TBC1D31: variants seen among roughly 807,000 people sequenced by gnomAD.
TBC1D31 encodes the protein WD repeat domain 67.
TBC1D31 carries 99 observed loss-of-function variants against 132.9 expected under a neutral mutation model. That is an observed-to-expected ratio of 0.74 (90% CI 0.63 to 0.88). The LOEUF is 0.88. TBC1D31 is among the 40% of genes least tolerant of loss of function. The pLI is 0.00. For missense variants in TBC1D31, 1,134 were observed against 1,256.6 expected (o/e 0.90, Z 1.48); for synonymous variants, 385 against 419.4 (o/e 0.92, Z 1.00).
intron 21 of TBC1D31, among the ~76,000 whole-genome samples, chr8:123,151,348 A>T (rs1404932040): frequency 6.6e-6 from 1 of 152,198 alleles, no homozygotes; most frequent in African/African-American, 2.4e-5. Context: ...TAGTATTTTA[A>T]TCTTGATTCT....
chr8:123,073,804 GCCT>G (rs892582969), intron 1 of TBC1D31, among the ~76,000 whole-genome samples: 11 of 151,830 alleles, frequency 7.2e-5, no homozygotes, highest in Non-Finnish European at 1.3e-4. Flanking sequence ...TCTTGCCTCA[GCCT>G]CCTAAGTAGC....
intron 11 of TBC1D31, 138 bp downstream of exon 11, chr8:123,120,326 C>A: frequency 1.4e-6 from 1 of 698,826 alleles, no homozygotes; most frequent in Non-Finnish European, 2.2e-6. Flanking sequence ...AATAAGGTAT[C>A]AAACATAAAA....
chr8:123,119,919 A>G (rs1299535796), intron 10 of TBC1D31, 136 bp from the exon 11 acceptor site: 2 of 636,812 alleles, frequency 3.1e-6, no homozygotes, highest in Admixed American at 3.5e-5. Flanking sequence ...AACAATGGTT[A>G]CTTCTGGAGA....
chr8:123,135,384 C>T (rs1200222869), intron 17 of TBC1D31, among the ~76,000 whole-genome samples: 1 of 152,182 alleles, frequency 6.6e-6, no homozygotes, highest in East Asian at 1.9e-4. Flanking sequence ...TTTCAGCCCA[C>T]TTAAAAAGTC....
Position 123,130,267 on chromosome 8 carries a change from T to C in TBC1D31, c.2340T>C (p.Phe780=). The change falls in exon 16 of 22, where the codon TTT becomes TTC. Residue 780 remains phenylalanine, a synonymous_variant. Coordinates refer to ENST00000287380, the MANE Select transcript of TBC1D31 (RefSeq NM_145647.4). The part of the protein sequence containing the change: ...MHLQDAARRR[F]LKLQQDQQEM... ...TACAAGATGCTGCAAGAAGGCGTTTTCTGAAGCTTCAGCAAGATCAACAGG... is the reference window on the plus strand; with the variant it reads ...TACAAGATGCTGCAAGAAGGCGTTTCCTGAAGCTTCAGCAAGATCAACAGG... The C allele has an allele frequency of 6.2e-7, 1 of 1,613,072 alleles. No homozygotes were observed. The highest frequency in any genetic ancestry group is 8.5e-7 in the Non-Finnish European group (1 of 1,179,424).
intron 17 of TBC1D31, among the ~76,000 whole-genome samples, chr8:123,135,803 AG>A (rs1821037831): frequency 6.6e-6 from 1 of 152,200 alleles, no homozygotes; most frequent in African/African-American, 2.4e-5. Flanking sequence ...ATTTGGAATT[AG>A]ATGTAATTCA....
chr8:123,094,314 G>A lies in TBC1D31; in HGVS notation c.671+572G>A, dbSNP rs557847964. 4.5e-4 allele frequency among the ~76,000 whole-genome samples: 68 copies of A among 151,472 alleles called. 1 individual carries two copies. The highest frequency in any genetic ancestry group is 4.0e-4 in the Admixed American group (6 of 15,188). Reference sequence around the variant, plus strand: ...CCTGACCTTGTGATCCGCCCGCCTCGGCCTCCCAGAGTGCTGGGATTACAG... The same window carrying A: ...CCTGACCTTGTGATCCGCCCGCCTCAGCCTCCCAGAGTGCTGGGATTACAG... On this transcript the variant is annotated intron_variant, in intron 5 of 21. Coordinates refer to ENST00000287380, the MANE Select transcript of TBC1D31 (RefSeq NM_145647.4).
intron 3 of TBC1D31, 135 bp from the exon 4 acceptor site, chr8:123,084,027 T>C (rs1433379315): frequency 2.9e-6 from 2 of 694,590 alleles, no homozygotes; most frequent in Non-Finnish European, 4.8e-6. Context: ...GCTTCCATTT[T>C]TGTGGATATT....
Position 123,082,821 on chromosome 8 carries a change from A to C in TBC1D31, c.340+4A>C, listed in dbSNP as rs756373633. ...TCTATTAAATGTTTTGATACAGGTA[A>C]GAAGTTCTCCTATTTTTCTTTTGAA... On this transcript the variant is annotated splice_donor_region_variant and intron_variant, in intron 3 of 21. Transcript: ENST00000287380. 6.3e-7 allele frequency: 1 copy of C among 1,579,650 alleles called. No individual in the cohort carries two copies. Among genetic ancestry groups the C allele is most frequent in the Non-Finnish European group, 8.7e-7 (1 of 1,151,296 alleles).
chr8:123,085,701 G>A (rs1339903636), intron 4 of TBC1D31, among the ~76,000 whole-genome samples: 1 of 152,142 alleles, frequency 6.6e-6, no homozygotes, highest in African/African-American at 2.4e-5. Flanking sequence ...GAGCCACCGC[G>A]CCGGGCCCCA....
intron 10 of TBC1D31, among the ~76,000 whole-genome samples, chr8:123,110,152 G>A (rs1402711764): frequency 6.6e-6 from 1 of 152,180 alleles, no homozygotes; most frequent in African/African-American, 2.4e-5. Flanking sequence ...AAAAGACCTA[G>A]TTTTGAATTC....
chr8:123,126,157 C>T lies in TBC1D31; in HGVS notation c.1672C>T (p.Gln558Ter). 6.2e-7 allele frequency: 1 copy of T among 1,612,200 alleles called. No homozygotes were observed. Among genetic ancestry groups the T allele is most frequent in the Non-Finnish European group, 8.5e-7 (1 of 1,179,300 alleles). ...GGCATTTCATGACAAGGAACTGCTG[C>T]AACACTTCATAGATCATGATATAAC... Reference protein sequence around the residue: ...VLAFHDKELLQHFIDHDITSQ... With the variant: ...VLAFHDKELL Residue 558 changes from glutamine to a stop codon, truncating the protein, a stop_gained, in exon 12 of 22, where the codon CAA (glutamine) becomes TAA (stop). Transcript: ENST00000287380. LOFTEE classifies it high-confidence loss of function.
In TBC1D31 at chr8:123,100,505, G is replaced by A. The variant is rs140559682; in HGVS notation, c.832-302G>A. Among the ~76,000 whole-genome samples, 566 of 152,058 alleles carry A rather than the reference G, an allele frequency of 3.7e-3. 3 individuals are homozygous for A. The highest frequency in any genetic ancestry group is 0.013 in the African/African-American group (547 of 41,468). ...GCTGGAGAATTGCTTGAACCCAGGG[G>A]GCGGAGGTTGCAGTGAGTGGAGATC... On this transcript the variant is annotated intron_variant, in intron 6 of 21. Transcript: ENST00000287380.
intron 4 of TBC1D31, among the ~76,000 whole-genome samples, chr8:123,090,953 T>A (rs1816258270): frequency 6.6e-6 from 1 of 151,694 alleles, no homozygotes; most frequent in Admixed American, 6.6e-5. Context: ...AATAAATAAA[T>A]AAATCAATAA....
intron 16 of TBC1D31, among the ~76,000 whole-genome samples, chr8:123,130,540 A>G (rs1279859005): frequency 6.6e-6 from 1 of 152,160 alleles, no homozygotes; most frequent in Admixed American, 6.5e-5. Flanking sequence ...CAGGAAAATT[A>G]GTCAAGTGTC....
In TBC1D31 at chr8:123,102,393, CT is replaced by C. The variant is rs1160170913; in HGVS notation, c.1032+1391del. ...TCTAAAAAAAAGTTTGTGCCTCCTC[CT>C]TTTTGTTTTATCTTTTAAAAAATTA... On this transcript the variant is annotated intron_variant, in intron 7 of 21. Transcript: ENST00000287380. 1.6e-5 allele frequency: 6 copies of C among 366,738 alleles called. No individual in the cohort carries two copies. The East Asian group carries it at 4.9e-4, about 30-fold the overall frequency. 22.7% of individuals were successfully genotyped at this position (366,738 alleles called of 1,614,324 possible).
At chr8:123,130,828 G>A (rs1168115930) in intron 16 of TBC1D31, among the ~76,000 whole-genome samples, 1 of 151,468 alleles carries the variant, frequency 6.6e-6, no homozygotes, top group Non-Finnish European at 1.5e-5. Context: ...CATCATGTTG[G>A]CTAGGCTGAT....
intron 18 of TBC1D31, 88 bp downstream of exon 18, chr8:123,140,989 G>A: frequency 8.2e-7 from 1 of 1,222,988 alleles, no homozygotes; most frequent in Non-Finnish European, 1.2e-6. Flanking sequence ...ATTAAACTCT[G>A]TGAAGTTGAG....
In TBC1D31 at chr8:123,130,213, AAG is replaced by A. The variant is rs1469119584; in HGVS notation, c.2291_2292del (p.Glu764AlafsTer33). 6.2e-7 allele frequency: 1 copy of A among 1,610,540 alleles called. No homozygotes were observed. Among genetic ancestry groups the A allele is most frequent in the East Asian group, 2.2e-5 (1 of 44,816 alleles). On this transcript the variant is annotated frameshift_variant, in exon 16 of 22. Coordinates refer to ENST00000287380, the MANE Select transcript of TBC1D31 (RefSeq NM_145647.4). LOFTEE classifies it high-confidence loss of function. The stretch of plus-strand genomic sequence containing the variant: ...TGTATTTAAGGCTAGCTGCTGTGAA[AAG>A]AGAGCTGAAAGTAAAGGAAATGCAC... Reference protein sequence around the residue: ...QQRQRLAAVKRELKVKEMHLQ... With the variant: ...QQRQRLAAVKXELKVKEMHLQ...
Sources: gnomAD v4.1 joint callset for allele counts (sites outside exome capture counted in the v4.1 genomes callset) on GRCh38, gnomAD v4.1.1 for gene constraint, MANE v1.5 for transcripts, NCBI Gene and HGNC (gene_info 2026-07-23, HGNC 2026-07-21) for gene names.